Variants in WNT3 observed in about 807,000 individuals in gnomAD.
WNT3 encodes the protein Wnt family member 3.
Under a neutral mutation model 34.2 loss-of-function variants are expected in WNT3, and 7 were observed. That is an observed-to-expected ratio of 0.20 (90% confidence interval 0.12 to 0.38). WNT3 has a LOEUF of 0.38. Among genes scored for constraint, WNT3 ranks in the 10% least tolerant of loss-of-function variants. WNT3 has a pLI of 1.00. For synonymous variants in WNT3, 212 were observed against 211.5 expected (o/e 1.00, Z -0.02); for missense variants, 267 against 499.8 (o/e 0.53, Z 4.44).
chr17:46,809,021 G>A (rs2084234842), intron 1 of WNT3, among the ~76,000 whole-genome samples: 1 of 152,180 alleles, frequency 6.6e-6, no homozygotes, highest in South Asian at 2.1e-4. Context: ...ACAGGCCCCA[G>A]GTTGGGCTGC....
chr17:46,814,242 C>T (rs1189906523), intron 1 of WNT3, among the ~76,000 whole-genome samples: 1 of 152,228 alleles, frequency 6.6e-6, no homozygotes, highest in East Asian at 1.9e-4. Flanking sequence ...TCCCTGAGAG[C>T]GTCCCCTTCC....
intron 1 of WNT3, among the ~76,000 whole-genome samples, chr17:46,783,254 C>T (rs1311257802): frequency 6.6e-6 from 1 of 152,176 alleles, no homozygotes; most frequent in Non-Finnish European, 1.5e-5. Flanking sequence ...GGCTCTAAGC[C>T]CAGTGGGCTC....
chr17:46,764,103 G>A lies in WNT3; in HGVS notation c.*527C>T, dbSNP rs1446362061. The A allele has an allele frequency of 6.6e-6, 1 of 152,174 alleles. No individual in the cohort carries two copies. Among genetic ancestry groups the A allele is most frequent in the Admixed American group, 6.5e-5 (1 of 15,276 alleles). 9.4% of individuals were successfully genotyped at this position (152,174 alleles called of 1,614,324 possible). The stretch of plus-strand genomic sequence containing the variant: ...CTAAACCTATGGCTTTTATCAGAAT[G>A]AGAAATTAGCTCAAATTTGAATGGG... On this transcript the variant is annotated 3_prime_UTR_variant, in exon 5 of 5. Coordinates refer to ENST00000225512, the MANE Select transcript of WNT3 (RefSeq NM_030753.5).
intron 1 of WNT3, among the ~76,000 whole-genome samples, chr17:46,811,837 A>G (rs2084280502): frequency 6.6e-6 from 1 of 152,098 alleles, no homozygotes; most frequent in African/African-American, 2.4e-5. Flanking sequence ...CGCACCTGTA[A>G]TCCCAGCTAC....
intron 1 of WNT3, among the ~76,000 whole-genome samples, chr17:46,816,695 A>C (rs144850739): frequency 2.2e-3 from 338 of 152,264 alleles, no homozygotes; most frequent in African/African-American, 7.8e-3. Flanking sequence ...ACCAGAATCT[A>C]CACCAACTGG....
chr17:46,771,047 G>A (rs2059362477), intron 2 of WNT3, among the ~76,000 whole-genome samples: 1 of 152,196 alleles, frequency 6.6e-6, no homozygotes, highest in African/African-American at 2.4e-5. Flanking sequence ...TAGAAGCCAG[G>A]CGCCCGCCTC....
At chr17:46,792,053 AG>A in intron 1 of WNT3, among the ~76,000 whole-genome samples, 1 of 152,242 alleles carries the variant, frequency 6.6e-6, no homozygotes, top group East Asian at 1.9e-4. Flanking sequence ...ACAAAACAAA[AG>A]AAAACAACTC....
At chr17:46,784,379 C>T (rs1250779870) in intron 1 of WNT3, among the ~76,000 whole-genome samples, 1 of 152,082 alleles carries the variant, frequency 6.6e-6, no homozygotes, top group Non-Finnish European at 1.5e-5. Flanking sequence ...AAGAGAGGGA[C>T]GGAAGCTAGA....
At chr17:46,789,514 C>T (rs1323362531) in intron 1 of WNT3, among the ~76,000 whole-genome samples, 1 of 152,212 alleles carries the variant, frequency 6.6e-6, no homozygotes, top group Non-Finnish European at 1.5e-5. Flanking sequence ...GATGATGCAG[C>T]AGGAAGGCCC....
At position 46,784,468 on chromosome 17, in the gene WNT3, G is replaced by A. The variant is rs566879660; in HGVS notation, c.81-10559C>T. 1.3e-3 allele frequency among the ~76,000 whole-genome samples: 191 copies of A among 152,234 alleles called. No individual in the cohort carries two copies. In the Middle Eastern group the frequency reaches 0.014, roughly 11 times the overall value. ...CCATCTTGGCTGTGGGCACACGGTG[G>A]GAGGACACTGAGCGTCACGGTGGGA... On this transcript the variant is annotated intron_variant, in intron 1 of 4. Coordinates refer to ENST00000225512, the MANE Select transcript of WNT3 (RefSeq NM_030753.5).
At chr17:46,793,030 C>T (rs1009331793) in intron 1 of WNT3, among the ~76,000 whole-genome samples, 9 of 151,206 alleles carry the variant, frequency 6.0e-5, no homozygotes, top group African/African-American at 9.7e-5. Context: ...TTTGAAAGGC[C>T]GAGGCGGGAG....
chr17:46,794,024 C>A (rs1353181314), intron 1 of WNT3, among the ~76,000 whole-genome samples: 1 of 152,124 alleles, frequency 6.6e-6, no homozygotes, highest in Non-Finnish European at 1.5e-5. Flanking sequence ...GGGACATAAC[C>A]AAGACAGTGT....
At chr17:46,770,678 T>C (rs1340794530) in intron 2 of WNT3, among the ~76,000 whole-genome samples, 1 of 152,218 alleles carries the variant, frequency 6.6e-6, no homozygotes, top group Non-Finnish European at 1.5e-5. Flanking sequence ...CCCATTCTCC[T>C]GCCCTCACGC....
Position 46,800,481 on chromosome 17 carries a change from G to C in WNT3, c.80+18037C>G, listed in dbSNP as rs141708556. On this transcript the variant is annotated intron_variant, in intron 1 of 4. Coordinates refer to ENST00000225512, the MANE Select transcript of WNT3 (RefSeq NM_030753.5). Reference sequence around the variant, plus strand: ...GTGTGAGGCTCGCTAGTGATGCAGAGGCCTACAGAGCAGAATCCCTGCCCT... The same window carrying C: ...GTGTGAGGCTCGCTAGTGATGCAGACGCCTACAGAGCAGAATCCCTGCCCT... Among the ~76,000 whole-genome samples the C allele has an allele frequency of 2.6e-3, 392 of 151,810 alleles. 2 individuals are homozygous for C. The highest frequency in any genetic ancestry group is 4.0e-3 in the Non-Finnish European group (275 of 67,952).
chr17:46,794,131 G>A (rs1459963667), intron 1 of WNT3, among the ~76,000 whole-genome samples: 4 of 152,072 alleles, frequency 2.6e-5, no homozygotes, highest in Non-Finnish European at 5.9e-5. Flanking sequence ...GGGGCGTGGG[G>A]GAGAGCAAGT....
At position 46,763,831 on chromosome 17, in the gene WNT3, C is replaced by CAAAAAAAAAAAAA. The variant is rs374185346; in HGVS notation, c.*786_*798dup. On this transcript the variant is annotated 3_prime_UTR_variant, in exon 5 of 5. Coordinates refer to ENST00000225512, the MANE Select transcript of WNT3 (RefSeq NM_030753.5). Reference sequence around the variant, plus strand: ...GCCTATTTACAAGGTCCACTACCACCAAAAAAAAAAAAAAACAAAAAAACA... The same window carrying CAAAAAAAAAAAAA: ...GCCTATTTACAAGGTCCACTACCACCAAAAAAAAAAAAAAAAAAAAAAAAAAAACAAAAAAACA... 2 of 123,686 alleles carry CAAAAAAAAAAAAA rather than the reference C, an allele frequency of 1.6e-5. No homozygotes were observed. The highest frequency in any genetic ancestry group is 3.2e-5 in the African/African-American group (1 of 31,114). 7.7% of individuals were successfully genotyped at this position (123,686 alleles called of 1,614,324 possible). A position where few individuals can be genotyped will look rare whatever the true frequency, so the allele number is the denominator to read the frequency against.
chr17:46,767,393 C>G (rs907978564), intron 4 of WNT3, among the ~76,000 whole-genome samples: 1 of 152,220 alleles, frequency 6.6e-6, no homozygotes, highest in African/African-American at 2.4e-5. Flanking sequence ...CGCTTCCCCC[C>G]ACCCACCTCC....
chr17:46,804,239 C>T (rs566103248), intron 1 of WNT3, among the ~76,000 whole-genome samples: 2 of 152,178 alleles, frequency 1.3e-5, no homozygotes. Context: ...AGGTGCGTGC[C>T]ACCACACCCG....
intron 1 of WNT3, among the ~76,000 whole-genome samples, chr17:46,808,811 A>C (rs1187617132): frequency 6.6e-6 from 1 of 152,180 alleles, no homozygotes; most frequent in African/African-American, 2.4e-5. Context: ...TTAAAAAAAA[A>C]GAAAAAGAAA....
Sources: allele counts gnomAD v4.1 joint callset (sites outside exome capture counted in the v4.1 genomes callset), GRCh38; gene constraint gnomAD v4.1.1; transcripts MANE v1.5; gene names NCBI Gene and HGNC (gene_info 2026-07-23, HGNC 2026-07-21).